Variants in MERTK observed in about 807,000 individuals in gnomAD.
MERTK encodes the protein MER proto-oncogene, tyrosine kinase, also known as tyrosine-protein kinase Mer.
Under a neutral mutation model 99.3 loss-of-function variants are expected in MERTK, and 69 were observed. The observed-to-expected ratio is 0.70, with a 90% CI of 0.57 to 0.85. The LOEUF is 0.85. Among genes scored for constraint, MERTK ranks in the 40% least tolerant of loss-of-function variants. MERTK has a pLI of 0.00. For missense variants in MERTK, 1,125 were observed against 1,249.4 expected (o/e 0.90, Z 1.50); for synonymous variants, 426 against 467.6 (o/e 0.91, Z 1.15).
At chr2:111,995,363 G>A (rs747512398) in intron 9 of MERTK, 13 of 187,938 alleles carry the variant, frequency 6.9e-5, no homozygotes, top group Non-Finnish European at 1.5e-4. Flanking sequence ...CCTGCCCTAG[G>A]TTGTTTAATG....
At chr2:111,967,557 C>A (rs867832739) in intron 5 of MERTK, among the ~76,000 whole-genome samples, 9 of 152,136 alleles carry the variant, frequency 5.9e-5, no homozygotes, top group Admixed American at 6.5e-5. Flanking sequence ...TCCCCTCCCC[C>A]AGCAGATGCA....
rs185699967 is a variant in MERTK, at chr2:111,979,926, C to T, written c.1145-2916C>T. Among the ~76,000 whole-genome samples, 167 of 152,234 alleles carry T rather than the reference C, an allele frequency of 1.1e-3. 1 individual carries two copies. The highest frequency in any genetic ancestry group is 3.9e-3 in the African/African-American group (162 of 41,508). ...TCCCTGATATTCAGTGGGGAGGCTTCGCCAGACCTCTGCTAATTTCTGCTG... is the reference window on the plus strand; with the variant it reads ...TCCCTGATATTCAGTGGGGAGGCTTTGCCAGACCTCTGCTAATTTCTGCTG... On this transcript the variant is annotated intron_variant, in intron 7 of 18. Coordinates refer to ENST00000295408, the MANE Select transcript of MERTK (RefSeq NM_006343.3).
At chr2:111,902,979 A>C (rs913462846) in intron 1 of MERTK, among the ~76,000 whole-genome samples, 1 of 152,126 alleles carries the variant, frequency 6.6e-6, no homozygotes, top group Non-Finnish European at 1.5e-5. Context: ...GGGTTTCACC[A>C]TGTTGGCCAG....
intron 15 of MERTK, among the ~76,000 whole-genome samples, chr2:112,018,485 T>G (rs1677264141): frequency 6.6e-6 from 1 of 152,200 alleles, no homozygotes; most frequent in African/African-American, 2.4e-5. Context: ...GACATGTGTC[T>G]TGGAGTATAA....
chr2:111,946,634 C>T lies in MERTK; in HGVS notation c.584-760C>T, dbSNP rs113656419. Among the ~76,000 whole-genome samples, 1,052 of 152,280 alleles carry T rather than the reference C, an allele frequency of 6.9e-3. 8 individuals are homozygous for T. The highest frequency in any genetic ancestry group is 0.023 in the African/African-American group (971 of 41,540). The stretch of plus-strand genomic sequence containing the variant: ...TACAAGGCTGTGGATTTTAAAATTC[C>T]TTATGACCCATCTGAAAGTCACACA... On this transcript the variant is annotated intron_variant, in intron 3 of 18. Transcript: ENST00000295408.
chr2:111,947,479 G>T lies in MERTK; in HGVS notation c.669G>T (p.Pro223=), dbSNP rs750984679. Reference sequence around the variant, plus strand: ...ACCTCACCTGTCAGGCTGTGGGCCCGCCTGAGCCCGTCAACATTTTCTGGG... The same window carrying T: ...ACCTCACCTGTCAGGCTGTGGGCCCTCCTGAGCCCGTCAACATTTTCTGGG... The part of the protein sequence containing the change: ...AFNLTCQAVG[P]PEPVNIFWVQ... Residue 223 remains proline (P), a synonymous_variant, in exon 4 of 19, where the codon CCG becomes CCT. Coordinates refer to ENST00000295408, the MANE Select transcript of MERTK (RefSeq NM_006343.3). 2 of 1,614,022 alleles carry T rather than the reference G, an allele frequency of 1.2e-6. No homozygotes were observed. Among genetic ancestry groups the T allele is most frequent in the East Asian group, 2.2e-5 (1 of 44,894 alleles).
chr2:111,944,850 A>G (rs1684936153), intron 2 of MERTK, 110 bp from the exon 3 acceptor site: 2 of 924,822 alleles, frequency 2.2e-6, no homozygotes, highest in South Asian at 2.8e-5. Context: ...AAGCTGACAT[A>G]TAAAATTAAC....
chr2:111,911,688 CCT>C (rs1558768147), intron 1 of MERTK, among the ~76,000 whole-genome samples: 1 of 120,198 alleles, frequency 8.3e-6, no homozygotes, highest in African/African-American at 3.5e-5. Flanking sequence ...TAGCGCCCAG[CCT>C]TTTTTTTTTT....
At chr2:111,989,297 T>C (rs1285077198) in intron 8 of MERTK, among the ~76,000 whole-genome samples, 1 of 152,070 alleles carries the variant, frequency 6.6e-6, no homozygotes, top group Non-Finnish European at 1.5e-5. Flanking sequence ...AACTTTTATC[T>C]CATTGAGGTT....
At chr2:111,974,663 G>A (rs1005119436) in intron 6 of MERTK, among the ~76,000 whole-genome samples, 25 of 150,868 alleles carry the variant, frequency 1.7e-4, no homozygotes, top group African/African-American at 6.1e-4. Context: ...CAGCTACTCA[G>A]GAGACTGAGG....
At chr2:111,939,531 C>T (rs1462200306) in intron 2 of MERTK, among the ~76,000 whole-genome samples, 1 of 151,910 alleles carries the variant, frequency 6.6e-6, no homozygotes, top group African/African-American at 2.4e-5. Flanking sequence ...TTCCAGGCTG[C>T]AGTGCAGTGT....
At chr2:111,957,561 TATATC>T (rs1685173158) in intron 4 of MERTK, among the ~76,000 whole-genome samples, 1 of 152,168 alleles carries the variant, frequency 6.6e-6, no homozygotes, top group Non-Finnish European at 1.5e-5. Flanking sequence ...CACCTTCTAA[TATATC>T]ATACATCTTA....
chr2:111,968,353 T>TAGAGATGGAGATA, intron 6 of MERTK, 101 bp downstream of exon 6: 5 of 922,370 alleles, frequency 5.4e-6, no homozygotes, highest in Non-Finnish European at 8.8e-6. Context: ...CATTTCTCCA[T>TAGAGATGGAGATA]CTCTGTACAG....
intron 1 of MERTK, among the ~76,000 whole-genome samples, chr2:111,911,604 G>A (rs903199604): frequency 2.7e-5 from 4 of 150,580 alleles, no homozygotes; most frequent in Admixed American, 6.6e-5. Context: ...GGCCAGGCTG[G>A]TCTTGAACTC....
chr2:111,997,326 G>A lies in MERTK; in HGVS notation c.1454G>A (p.Trp485Ter). The change falls in exon 10 of 19, where the codon TGG becomes TAG. Residue 485 changes from tryptophan to a stop codon, truncating the protein, a stop_gained. Coordinates refer to ENST00000295408, the MANE Select transcript of MERTK (RefSeq NM_006343.3). LOFTEE classifies it high-confidence loss of function. ...PVKIFIPAHG[W>*]VDYAPSSTPA... The stretch of plus-strand genomic sequence containing the variant: ...TGGTCTATTGGTATCTCACCAGGTT[G>A]GGTAGATTATGCCCCCTCTTCAACT... The A allele has an allele frequency of 1.2e-6, 2 of 1,614,038 alleles. No homozygotes were observed. Among genetic ancestry groups the A allele is most frequent in the Non-Finnish European group, 1.7e-6 (2 of 1,179,920 alleles).
intron 7 of MERTK, among the ~76,000 whole-genome samples, chr2:111,978,155 G>GTT (rs1026087344): frequency 3.0e-5 from 4 of 135,534 alleles, no homozygotes; most frequent in African/African-American, 8.4e-5. Flanking sequence ...GTTGTTTTTT[G>GTT]TTTTTTTTTT....
intron 10 of MERTK, 27 bp downstream of exon 10, chr2:111,997,503 C>T: frequency 6.2e-7 from 1 of 1,610,226 alleles, no homozygotes; most frequent in Non-Finnish European, 8.5e-7. Context: ...AAAATGTTTG[C>T]CCACTGGTAT....
At chr2:111,957,777 TATGCAGC>T (rs1685177066) in intron 4 of MERTK, among the ~76,000 whole-genome samples, 1 of 152,148 alleles carries the variant, frequency 6.6e-6, no homozygotes, top group Non-Finnish European at 1.5e-5. Context: ...CTACCTCACT[TATGCAGC>T]ATGATCTTCC....
chr2:111,997,613 A>T, intron 10 of MERTK, 137 bp downstream of exon 10: 1 of 1,043,142 alleles, frequency 9.6e-7, no homozygotes, highest in Non-Finnish European at 1.4e-6. Flanking sequence ...CCCTGGGCTC[A>T]GGCAGCTTCC....
Sources: allele counts gnomAD v4.1 joint callset (sites outside exome capture counted in the v4.1 genomes callset), GRCh38; gene constraint gnomAD v4.1.1; transcripts MANE v1.5; gene names NCBI Gene and HGNC (gene_info 2026-07-23, HGNC 2026-07-21).